The following MARCHF3 variants were observed in gnomAD, a reference collection of about 807,000 sequenced individuals.
The protein encoded by MARCHF3 is membrane associated ring-CH-type finger 3.
In MARCHF3, 13 loss-of-function variants were observed where a neutral mutation model predicts 24.2. The ratio of observed to expected loss-of-function variants is 0.54; its 90% confidence interval spans 0.35 to 0.85. The LOEUF is 0.85. Among genes scored for constraint, MARCHF3 ranks in the 40% least tolerant of loss-of-function variants. The pLI is 0.01. For synonymous variants in MARCHF3, 144 were observed against 137.3 expected (o/e 1.05, Z -0.34); for missense variants, 276 against 325.0 (o/e 0.85, Z 1.16).
intron 1 of MARCHF3, among the ~76,000 whole-genome samples, chr5:127,021,502 A>G (rs1752805020): frequency 6.6e-6 from 1 of 152,228 alleles, no homozygotes. Flanking sequence ...TGGGGTGAAC[A>G]TTATAACTGG....
intron 1 of MARCHF3, among the ~76,000 whole-genome samples, chr5:127,021,214 C>T (rs1752794865): frequency 6.6e-6 from 1 of 152,064 alleles, no homozygotes; most frequent in South Asian, 2.1e-4. Context: ...CACCAACACA[C>T]ACACTATGGA....
chr5:126,913,568 A>C (rs941844755), intron 3 of MARCHF3, among the ~76,000 whole-genome samples: 14 of 152,376 alleles, frequency 9.2e-5, no homozygotes, highest in Admixed American at 2.6e-4. Context: ...TCAAGTGGCA[A>C]GATGGCTAAA....
intron 1 of MARCHF3, among the ~76,000 whole-genome samples, chr5:126,986,079 T>C: frequency 6.6e-6 from 1 of 152,216 alleles, no homozygotes; most frequent in East Asian, 1.9e-4. Context: ...TTGTCAAATA[T>C]TCCCCAAGGA....
At chr5:126,894,261 C>A (rs1344563095) in intron 3 of MARCHF3, among the ~76,000 whole-genome samples, 30 of 144,078 alleles carry the variant, frequency 2.1e-4, no homozygotes, top group African/African-American at 6.6e-4. Context: ...CAGTCTGTGT[C>A]TTTTAATTGG....
chr5:126,906,426 G>A (rs202000010), intron 3 of MARCHF3, among the ~76,000 whole-genome samples: 30 of 152,232 alleles, frequency 2.0e-4, no homozygotes, highest in East Asian at 1.2e-3. Context: ...GGTAGAATTC[G>A]GCTGTGAATC....
chr5:126,936,136 C>A (rs556945482), intron 1 of MARCHF3, among the ~76,000 whole-genome samples: 26 of 152,100 alleles, frequency 1.7e-4, no homozygotes, highest in Admixed American at 1.0e-3. Flanking sequence ...GGGTGATGAG[C>A]CTTCACACCT....
At chr5:126,951,991 C>T (rs111516678) in intron 1 of MARCHF3, among the ~76,000 whole-genome samples, 31,398 of 152,030 alleles carry the variant, frequency 0.21, 3,806 homozygotes, top group Non-Finnish European at 0.28. Flanking sequence ...GGATTACAGG[C>T]GCCCACCACC....
chr5:126,929,062 C>G (rs546716285), intron 1 of MARCHF3, among the ~76,000 whole-genome samples: 15 of 152,214 alleles, frequency 9.9e-5, no homozygotes, highest in Non-Finnish European at 2.2e-4. Context: ...AAGTTGTACA[C>G]ATCATATTTG....
intron 1 of MARCHF3, among the ~76,000 whole-genome samples, chr5:127,000,290 G>GCCTCTTGAT (rs140342993): frequency 0.46 from 69,475 of 151,402 alleles, 16,398 homozygotes; most frequent in East Asian, 0.67. Flanking sequence ...CTCACACTCT[G>GCCTCTTGAT]CCTCTTGATG....
chr5:126,890,239 T>A (rs190564099), intron 3 of MARCHF3, among the ~76,000 whole-genome samples: 1 of 152,076 alleles, frequency 6.6e-6, no homozygotes, highest in African/African-American at 2.4e-5. Context: ...CTCACAGACT[T>A]GTCTTCAGAA....
At chr5:126,925,388 C>A (rs1049421099) in intron 1 of MARCHF3, among the ~76,000 whole-genome samples, 1 of 152,116 alleles carries the variant, frequency 6.6e-6, no homozygotes, top group African/African-American at 2.4e-5. Flanking sequence ...TCCAAAATAT[C>A]AGACAGATCT....
chr5:126,896,456 G>A (rs188675920), intron 3 of MARCHF3, among the ~76,000 whole-genome samples: 16 of 152,232 alleles, frequency 1.1e-4, no homozygotes, highest in Non-Finnish European at 2.1e-4. Flanking sequence ...TGGGGTCTGC[G>A]GGAAAGCTCT....
At chr5:126,986,768 C>A (rs1340402436) in intron 1 of MARCHF3, among the ~76,000 whole-genome samples, 2 of 152,068 alleles carry the variant, frequency 1.3e-5, no homozygotes, top group East Asian at 3.9e-4. Context: ...GGGAGAGGCA[C>A]CTGTATGAAA....
intron 3 of MARCHF3, among the ~76,000 whole-genome samples, chr5:126,878,821 CA>C (rs1753256990): frequency 6.6e-6 from 1 of 152,172 alleles, no homozygotes; most frequent in African/African-American, 2.4e-5. Context: ...CGCACATTCC[CA>C]AGACAGGCCT....
At chr5:126,958,559 C>G in intron 1 of MARCHF3, among the ~76,000 whole-genome samples, 1 of 152,136 alleles carries the variant, frequency 6.6e-6, no homozygotes, top group East Asian at 1.9e-4. Flanking sequence ...CTGATCTAAT[C>G]TGCTCATCAC....
At chr5:126,993,849 T>C (rs1034049028) in intron 1 of MARCHF3, among the ~76,000 whole-genome samples, 2 of 152,220 alleles carry the variant, frequency 1.3e-5, no homozygotes, top group Admixed American at 6.5e-5. Context: ...AGTAATCCTA[T>C]TGAAATAATA....
At chr5:127,015,050 C>T (rs961612435) in intron 1 of MARCHF3, among the ~76,000 whole-genome samples, 2 of 152,144 alleles carry the variant, frequency 1.3e-5, no homozygotes, top group Non-Finnish European at 2.9e-5. Context: ...CTGATCACTA[C>T]ACATTGTATG....
chr5:126,922,671 C>T (rs557052404), intron 1 of MARCHF3, among the ~76,000 whole-genome samples: 1 of 152,122 alleles, frequency 6.6e-6, no homozygotes, highest in Non-Finnish European at 1.5e-5. Flanking sequence ...CTCAGCCTCC[C>T]GAATAGCTGG....
chr5:126,931,981 G>A (rs984847255), intron 1 of MARCHF3, among the ~76,000 whole-genome samples: 1 of 152,148 alleles, frequency 6.6e-6, no homozygotes, highest in Non-Finnish European at 1.5e-5. Context: ...TTAAGCCAGG[G>A]ATAAAATAGT....
Sources: gnomAD v4.1 joint callset for allele counts (sites outside exome capture counted in the v4.1 genomes callset) on GRCh38, gnomAD v4.1.1 for gene constraint, MANE v1.5 for transcripts, NCBI Gene and HGNC (gene_info 2026-07-23, HGNC 2026-07-21) for gene names.